Variants in ANKRD11 observed in about 807,000 individuals in gnomAD.
ANKRD11 encodes the protein ankyrin repeat domain-containing protein 11.
ANKRD11 carries 17 observed loss-of-function variants against 195.7 expected under a neutral mutation model. That is an observed-to-expected ratio of 0.09 (90% CI 0.06 to 0.13). ANKRD11 has a LOEUF of 0.13. ANKRD11 is among the 10% of genes least tolerant of loss of function. ANKRD11 has a pLI of 1.00. For missense variants in ANKRD11, 3,735 were observed against 3,566.1 expected (o/e 1.05, Z -1.21); for synonymous variants, 1,953 against 1,528.1 (o/e 1.28, Z -6.49).
At chr16:89,409,983 G>T (rs1392855778) in intron 2 of ANKRD11, among the ~76,000 whole-genome samples, 1 of 152,008 alleles carries the variant, frequency 6.6e-6, no homozygotes, top group Admixed American at 6.6e-5. Context: ...GGGACTACAG[G>T]CGCCCGCCAC....
chr16:89,444,796 A>T (rs976171122), intron 1 of ANKRD11, among the ~76,000 whole-genome samples: 11 of 151,142 alleles, frequency 7.3e-5, no homozygotes, highest in African/African-American at 2.7e-4. Context: ...ATAAATAAAT[A>T]AAATGTAAAA....
chr16:89,367,323 C>G (rs1418224778), intron 2 of ANKRD11, among the ~76,000 whole-genome samples: 1 of 152,270 alleles, frequency 6.6e-6, no homozygotes, highest in East Asian at 1.9e-4. Context: ...GGGAGCCCCT[C>G]CTCCTGAGCA....
intron 2 of ANKRD11, among the ~76,000 whole-genome samples, chr16:89,387,261 G>A (rs991134718): frequency 6.6e-6 from 1 of 152,094 alleles, no homozygotes; most frequent in African/African-American, 2.4e-5. Context: ...CAAGGGAGAG[G>A]CCTGAATGGT....
chr16:89,460,794 T>C (rs1296036587), intron 1 of ANKRD11, among the ~76,000 whole-genome samples: 2 of 152,078 alleles, frequency 1.3e-5, no homozygotes, highest in African/African-American at 4.8e-5. Context: ...AATTGAGGAA[T>C]CTGAGCTGTG....
rs201357873 is a variant in ANKRD11 at position 89,284,893 on chromosome 16, T to C, written c.1649A>G (p.Asn550Ser). 8.1e-6 allele frequency: 13 copies of C among 1,614,160 alleles called. No homozygotes were observed. Among genetic ancestry groups the C allele is most frequent in the African/African-American group, 2.7e-5 (2 of 75,054 alleles). ...AGCCGGGGAAGAAATGGTTTTCCAA[T>C]TGTCTGTCCGCCAGTGCTTGGTGTG... ...DQHTKHWRTD[N>S]WKTISSPAWS... Residue 550 changes from asparagine (N) to serine (S), a missense_variant, in exon 9 of 13, where the codon AAT (asparagine) becomes AGT (serine). By Grantham distance (46) the Asn-to-Ser change is conservative. Coordinates refer to ENST00000301030, the MANE Select transcript of ANKRD11 (RefSeq NM_013275.6).
chr16:89,351,657 C>A (rs2039225591), intron 2 of ANKRD11, among the ~76,000 whole-genome samples: 1 of 152,128 alleles, frequency 6.6e-6, no homozygotes, highest in African/African-American at 2.4e-5. Flanking sequence ...GACCTGGGCG[C>A]AGGTTCGTGT....
intron 4 of ANKRD11, among the ~76,000 whole-genome samples, chr16:89,294,348 C>G (rs2035271369): frequency 6.6e-6 from 1 of 152,152 alleles, no homozygotes; most frequent in African/African-American, 2.4e-5. Context: ...AACTTTTCAC[C>G]CAGCTCTCCC....
chr16:89,483,968 T>C (rs1375048752), intron 1 of ANKRD11, among the ~76,000 whole-genome samples: 1 of 152,222 alleles, frequency 6.6e-6, no homozygotes, highest in East Asian at 1.9e-4. Context: ...CATACAATTA[T>C]AGTGAAGAAA....
intron 2 of ANKRD11, among the ~76,000 whole-genome samples, chr16:89,393,308 A>ATTTTTTTTT (rs150301440): frequency 6.9e-6 from 1 of 145,146 alleles, no homozygotes; most frequent in African/African-American, 2.6e-5. Flanking sequence ...TACTTTTTTT[A>ATTTTTTTTT]TTTTTATTTT....
chr16:89,330,551 G>A (rs1031619686), intron 2 of ANKRD11, among the ~76,000 whole-genome samples: 2 of 151,710 alleles, frequency 1.3e-5, no homozygotes, highest in African/African-American at 4.8e-5. Context: ...GTCATTGATG[G>A]GGTGGTGTGG....
At chr16:89,387,692 GA>G (rs920498026) in intron 2 of ANKRD11, among the ~76,000 whole-genome samples, 2,539 of 67,510 alleles carry the variant, frequency 0.038, 24 homozygotes, top group East Asian at 0.065. Context: ...AAAAGAAAAA[GA>G]AAAAAAAAAA....
intron 2 of ANKRD11, among the ~76,000 whole-genome samples, chr16:89,389,185 AT>A (rs879261011): frequency 2.3e-3 from 329 of 146,038 alleles, no homozygotes; most frequent in Middle Eastern, 3.7e-3. Flanking sequence ...CGTCTGGCTA[AT>A]TTTTTTTTTT....
intron 1 of ANKRD11, among the ~76,000 whole-genome samples, chr16:89,448,962 C>T (rs1357749966): frequency 6.6e-6 from 1 of 152,204 alleles, no homozygotes; most frequent in Non-Finnish European, 1.5e-5. Context: ...GTATTTAGTT[C>T]TTGGTAGCAG....
chr16:89,316,117 G>C (rs1480606543), intron 3 of ANKRD11, among the ~76,000 whole-genome samples: 8 of 152,170 alleles, frequency 5.3e-5, no homozygotes, highest in Non-Finnish European at 7.4e-5. Flanking sequence ...GACAGCGACA[G>C]GATGGCAGGA....
Position 89,280,676 on chromosome 16 carries a change from G to C in ANKRD11, c.5866C>G (p.Gln1956Glu), listed in dbSNP as rs1412615745. The change falls in exon 9 of 13, where the codon CAG becomes GAG. Residue 1956 changes from glutamine (Q) to glutamate (E), a missense_variant. Physicochemically the swap from Gln to Glu is conservative, Grantham distance 29 (BLOSUM62 2). Transcript: ENST00000301030. The part of the protein sequence containing the change: ...EPVEWAHPSE[Q>E]ALASSLIGGT... ...CCGATCAGGCTAGAGGCAAGCGCCT[G>C]CTCGGAGGGGTGGGCCCACTCAACG... is the stretch of plus-strand genomic sequence containing the variant. 9.9e-6 allele frequency: 16 copies of C among 1,613,284 alleles called. 1 individual carries two copies. The Admixed American group carries it at 2.3e-4, about 24-fold the overall frequency.
At chr16:89,483,106 G>C (rs2057496601) in intron 1 of ANKRD11, among the ~76,000 whole-genome samples, 1 of 152,174 alleles carries the variant, frequency 6.6e-6, no homozygotes, top group Admixed American at 6.6e-5. Context: ...CCCAAGAGCT[G>C]TTCTCTGTCT....
At chr16:89,381,910 G>A (rs1257714659) in intron 2 of ANKRD11, among the ~76,000 whole-genome samples, 3 of 152,242 alleles carry the variant, frequency 2.0e-5, no homozygotes, top group Admixed American at 1.3e-4. Flanking sequence ...CCAGCCGACT[G>A]CACTCTCAGG....
At chr16:89,476,385 A>G (rs1372422864) in intron 1 of ANKRD11, among the ~76,000 whole-genome samples, 1 of 152,198 alleles carries the variant, frequency 6.6e-6, no homozygotes, top group African/African-American at 2.4e-5. Context: ...TATTATCCTC[A>G]GGTTCTTGGG....
At chr16:89,286,990 G>A (rs2034693975) in intron 7 of ANKRD11, 1 of 1,289,644 alleles carries the variant, frequency 7.8e-7, no homozygotes, top group Admixed American at 2.3e-5. Context: ...TGTTGAATCA[G>A]TACAGAGTTC....
Sources: gnomAD v4.1 joint callset for allele counts (sites outside exome capture counted in the v4.1 genomes callset) on GRCh38, gnomAD v4.1.1 for gene constraint, MANE v1.5 for transcripts, NCBI Gene and HGNC (gene_info 2026-07-23, HGNC 2026-07-21) for gene names.